ZCCHC24: variants seen among roughly 807,000 people sequenced by gnomAD.
ZCCHC24 encodes the protein zinc finger CCHC domain-containing protein 24.
Under a neutral mutation model 26.2 loss-of-function variants are expected in ZCCHC24, and 10 were observed. The observed-to-expected ratio is 0.38, with a 90% CI of 0.24 to 0.65. The LOEUF is 0.65. Ranked by LOEUF, ZCCHC24 falls within the 30% of genes least tolerant of loss-of-function variation. ZCCHC24 has a pLI of 0.54. For synonymous variants in ZCCHC24, 144 were observed against 147.1 expected (o/e 0.98, Z 0.15); for missense variants, 243 against 329.1 (o/e 0.74, Z 2.03).
At chr10:79,443,201 C>T (rs1419116322) in intron 1 of ZCCHC24, among the ~76,000 whole-genome samples, 7 of 152,168 alleles carry the variant, frequency 4.6e-5, no homozygotes, top group Admixed American at 4.6e-4. Context: ...CACTGTGTGA[C>T]TTTATGGGGA....
intron 2 of ZCCHC24, among the ~76,000 whole-genome samples, chr10:79,428,571 A>C (rs1427293613): frequency 6.6e-6 from 1 of 152,228 alleles, no homozygotes; most frequent in Non-Finnish European, 1.5e-5. Context: ...TAAGCTAAAA[A>C]TGGTTAAGAT....
Sources: gnomAD v4.1 joint callset for allele counts (sites outside exome capture counted in the v4.1 genomes callset) on GRCh38, gnomAD v4.1.1 for gene constraint, MANE v1.5 for transcripts, NCBI Gene and HGNC (gene_info 2026-07-23, HGNC 2026-07-21) for gene names.